The following C1orf21 variants were observed in gnomAD, a reference collection of about 807,000 sequenced individuals.
C1orf21 encodes chromosome 1 open reading frame 21.
Under a neutral mutation model 18.7 loss-of-function variants are expected in C1orf21, and 3 were observed. The ratio of observed to expected loss-of-function variants is 0.16; its 90% confidence interval spans 0.07 to 0.42. C1orf21 has a LOEUF of 0.42. C1orf21 is among the 10% of genes least tolerant of loss of function. The pLI is 0.99. For missense variants in C1orf21, 104 were observed against 143.6 expected (o/e 0.72, Z 1.41); for synonymous variants, 41 against 46.4 (o/e 0.88, Z 0.47).
rs185057008 is a variant in C1orf21 at position 184,446,942 on chromosome 1, T to C, written c.-124-30444T>C. Reference sequence around the variant, plus strand: ...AAGTTTCATCGTGGGTATAAGAGACTGCATTATACTGTTTTCTCTACTTTG... The same window carrying C: ...AAGTTTCATCGTGGGTATAAGAGACCGCATTATACTGTTTTCTCTACTTTG... On this transcript the variant is annotated intron_variant, in intron 1 of 5. Coordinates refer to ENST00000235307, the MANE Select transcript of C1orf21 (RefSeq NM_030806.4). Among the ~76,000 whole-genome samples, 331 of 151,508 alleles carry C rather than the reference T, an allele frequency of 2.2e-3. 6 individuals carry two copies. In the South Asian group the frequency reaches 0.035, roughly 16 times the overall value.
chr1:184,550,369 T>G (rs1262043821), intron 3 of C1orf21, among the ~76,000 whole-genome samples: 2 of 152,292 alleles, frequency 1.3e-5, no homozygotes, highest in East Asian at 3.9e-4. Context: ...AAGAGGCAAA[T>G]TATAATACTA....
chr1:184,527,717 G>A (rs886247358), intron 3 of C1orf21, among the ~76,000 whole-genome samples: 1 of 152,114 alleles, frequency 6.6e-6, no homozygotes, highest in Non-Finnish European at 1.5e-5. Context: ...TTAGATATAG[G>A]CCCTGTCACT....
intron 1 of C1orf21, chr1:184,408,405 A>C (rs1656282118): frequency 6.6e-6 from 1 of 152,232 alleles, no homozygotes; most frequent in Non-Finnish European, 1.5e-5. Context: ...CAGCCGAATG[A>C]ACAGAGAAGG....
intron 1 of C1orf21, among the ~76,000 whole-genome samples, chr1:184,414,233 C>T (rs911515723): frequency 2.6e-5 from 4 of 152,102 alleles, no homozygotes; most frequent in African/African-American, 4.8e-5. Flanking sequence ...CAGGCTCAAG[C>T]GATCCTCCCT....
chr1:184,616,970 G>A (rs192404498), intron 5 of C1orf21, among the ~76,000 whole-genome samples: 7 of 152,310 alleles, frequency 4.6e-5, no homozygotes, highest in Non-Finnish European at 1.0e-4. Context: ...CCTATCAGAT[G>A]ACAGCTTATG....
At chr1:184,434,266 C>T (rs537616740) in intron 1 of C1orf21, among the ~76,000 whole-genome samples, 9 of 152,122 alleles carry the variant, frequency 5.9e-5, no homozygotes, top group African/African-American at 1.7e-4. Context: ...GAGCACTCCC[C>T]GAGGGTCTCT....
intron 1 of C1orf21, among the ~76,000 whole-genome samples, chr1:184,403,756 A>C (rs543558359): frequency 3.9e-5 from 6 of 152,250 alleles, no homozygotes; most frequent in Non-Finnish European, 8.8e-5. Context: ...ATTTAGTGGC[A>C]ATAACTTTTT....
chr1:184,485,864 C>T (rs1657724966), intron 2 of C1orf21, among the ~76,000 whole-genome samples: 1 of 152,168 alleles, frequency 6.6e-6, no homozygotes. Flanking sequence ...AATCATGTTT[C>T]CCTTTTTCTG....
rs1210399351 is a variant in C1orf21 at position 184,623,678 on chromosome 1, C to G, written c.*4122C>G. On this transcript the variant is annotated 3_prime_UTR_variant, in exon 6 of 6. Coordinates refer to ENST00000235307, the MANE Select transcript of C1orf21 (RefSeq NM_030806.4). Reference sequence around the variant, plus strand: ...ACACTCACATGTGCCTGCAATAAACCTTTTGGAATTTCATGAACGAGGTCT... The same window carrying G: ...ACACTCACATGTGCCTGCAATAAACGTTTTGGAATTTCATGAACGAGGTCT... 2.6e-5 allele frequency: 4 copies of G among 152,622 alleles called. No homozygotes were observed. 9.5% of individuals were successfully genotyped at this position (152,622 alleles called of 1,614,324 possible).
At chr1:184,476,742 A>G (rs1471728451) in intron 1 of C1orf21, among the ~76,000 whole-genome samples, 1 of 152,228 alleles carries the variant, frequency 6.6e-6, no homozygotes. Flanking sequence ...ACATTTGGCT[A>G]GCTAAGCAGA....
chr1:184,558,231 A>G (rs997597575), intron 3 of C1orf21, among the ~76,000 whole-genome samples: 1 of 152,110 alleles, frequency 6.6e-6, no homozygotes, highest in Non-Finnish European at 1.5e-5. Context: ...GCCTCTTCAC[A>G]TCTCCTTCAA....
intron 1 of C1orf21, among the ~76,000 whole-genome samples, chr1:184,466,493 T>C (rs1202899408): frequency 6.6e-6 from 1 of 152,230 alleles, no homozygotes; most frequent in Non-Finnish European, 1.5e-5. Context: ...GGCCAAGTGC[T>C]ACAAAATCAA....
At chr1:184,458,508 A>G (rs757130594) in intron 1 of C1orf21, among the ~76,000 whole-genome samples, 2 of 152,194 alleles carry the variant, frequency 1.3e-5, no homozygotes, top group Non-Finnish European at 2.9e-5. Context: ...ATTTGAAGCC[A>G]TAAGAACTAT....
intron 3 of C1orf21, among the ~76,000 whole-genome samples, chr1:184,550,948 GA>G (rs1334053299): frequency 6.6e-6 from 1 of 152,168 alleles, no homozygotes; most frequent in African/African-American, 2.4e-5. Context: ...AGAATTTTTT[GA>G]TAACAAAATG....
At chr1:184,398,111 G>C (rs114605863) in intron 1 of C1orf21, among the ~76,000 whole-genome samples, 1 of 152,110 alleles carries the variant, frequency 6.6e-6, no homozygotes, top group Non-Finnish European at 1.5e-5. Flanking sequence ...TCCTAGTTTC[G>C]CCACCTCCTA....
intron 3 of C1orf21, among the ~76,000 whole-genome samples, chr1:184,514,175 C>T (rs979962482): frequency 2.6e-5 from 4 of 152,114 alleles, no homozygotes; most frequent in South Asian, 2.1e-4. Context: ...CCTTGTGGTG[C>T]ATGCCAATAG....
chr1:184,622,692 C>T lies in C1orf21; in HGVS notation c.*3136C>T, dbSNP rs1659943187. On this transcript the variant is annotated 3_prime_UTR_variant, in exon 6 of 6. Coordinates refer to ENST00000235307, the MANE Select transcript of C1orf21 (RefSeq NM_030806.4). ...ACTGCAGCAGCCACGCACACAGAAG[C>T]CTGCTGGAAGACAGGTCTCTCTCCG... The T allele has an allele frequency of 6.5e-6, 1 of 152,822 alleles. No homozygotes were observed. The highest frequency in any genetic ancestry group is 2.4e-5 in the African/African-American group (1 of 41,432). The allele number at this position is 152,822 out of a possible 1,614,324, so 9.5% of individuals were successfully genotyped here.
chr1:184,399,617 A>G (rs901103002), intron 1 of C1orf21, among the ~76,000 whole-genome samples: 7 of 152,092 alleles, frequency 4.6e-5, no homozygotes, highest in African/African-American at 1.7e-4. Context: ...TGGCTCCCAA[A>G]GTGCTCGGAT....
chr1:184,449,414 G>T (rs890072775), intron 1 of C1orf21, among the ~76,000 whole-genome samples: 1 of 152,152 alleles, frequency 6.6e-6, no homozygotes, highest in Non-Finnish European at 1.5e-5. Context: ...ATTCCATGGT[G>T]TATATGTGCC....
Sources: allele counts gnomAD v4.1 joint callset (sites outside exome capture counted in the v4.1 genomes callset), GRCh38; gene constraint gnomAD v4.1.1; transcripts MANE v1.5; gene names NCBI Gene and HGNC (gene_info 2026-07-23, HGNC 2026-07-21).